ERGIC1: variants seen among roughly 807,000 people sequenced by gnomAD.
ERGIC1 encodes the protein endoplasmic reticulum-Golgi intermediate compartment protein 1.
In ERGIC1, 19 loss-of-function variants were observed where a neutral mutation model predicts 38.3. The observed-to-expected ratio is 0.50, with a 90% CI of 0.35 to 0.73. The LOEUF (loss-of-function observed/expected upper bound fraction) is 0.73. Among genes scored for constraint, ERGIC1 ranks in the 30% least tolerant of loss-of-function variants. The pLI is 0.01. For missense variants in ERGIC1, 294 were observed against 389.2 expected (o/e 0.76, Z 2.06); for synonymous variants, 124 against 157.6 (o/e 0.79, Z 1.60).
chr5:172,876,388 G>GA (rs1039570562), intron 1 of ERGIC1, among the ~76,000 whole-genome samples: 1 of 152,024 alleles, frequency 6.6e-6, no homozygotes, highest in East Asian at 1.9e-4. Context: ...TTTATACCAA[G>GA]AAAAAAAGTC....
intron 9 of ERGIC1, among the ~76,000 whole-genome samples, chr5:172,943,690 A>G (rs538273217): frequency 7.1e-4 from 108 of 152,310 alleles, no homozygotes; most frequent in Non-Finnish European, 1.2e-3. Context: ...AGCCAGGGCC[A>G]CAGAGCTGGG....
intron 1 of ERGIC1, among the ~76,000 whole-genome samples, chr5:172,847,209 G>C (rs943650754): frequency 6.6e-6 from 1 of 152,094 alleles, no homozygotes; most frequent in Non-Finnish European, 1.5e-5. Flanking sequence ...GCCTGGCAGT[G>C]GTGGGGAGAG....
At chr5:172,899,282 G>T (rs952931350) in intron 3 of ERGIC1, among the ~76,000 whole-genome samples, 2 of 149,372 alleles carry the variant, frequency 1.3e-5, no homozygotes, top group Admixed American at 1.3e-4. Context: ...CAGGCCTTCT[G>T]AGCTGCCAGG....
At chr5:172,867,575 C>G (rs192854604) in intron 1 of ERGIC1, 1 of 422,956 alleles carries the variant, frequency 2.4e-6, no homozygotes, top group East Asian at 7.6e-5. Flanking sequence ...ACTCCACCCC[C>G]GAGTCCTAGC....
intron 1 of ERGIC1, among the ~76,000 whole-genome samples, chr5:172,887,249 G>A (rs1762446691): frequency 6.6e-6 from 1 of 152,216 alleles, no homozygotes; most frequent in Non-Finnish European, 1.5e-5. Context: ...GGAGCCGCCG[G>A]CCTCTCCAGC....
intron 1 of ERGIC1, among the ~76,000 whole-genome samples, chr5:172,880,249 A>G (rs2113216812): frequency 6.6e-6 from 1 of 151,822 alleles, no homozygotes; most frequent in African/African-American, 2.4e-5. Flanking sequence ...GTTGGCTAGG[A>G]TGGTCTCGAA....
intron 1 of ERGIC1, among the ~76,000 whole-genome samples, chr5:172,885,426 G>A (rs185458991): frequency 4.6e-5 from 7 of 152,222 alleles, no homozygotes; most frequent in Non-Finnish European, 7.4e-5. Context: ...GAGCCATCGT[G>A]TACAGCAGTT....
chr5:172,948,384 T>A (rs1764167375), intron 9 of ERGIC1, among the ~76,000 whole-genome samples: 1 of 152,210 alleles, frequency 6.6e-6, no homozygotes, highest in Non-Finnish European at 1.5e-5. Context: ...CACCAGTTCA[T>A]CTATTAAGGT....
At chr5:172,884,244 G>GTTTTTT (rs71579704) in intron 1 of ERGIC1, among the ~76,000 whole-genome samples, 1 of 90,618 alleles carries the variant, frequency 1.1e-5, no homozygotes. Context: ...GGAACCCCAA[G>GTTTTTT]TTTTTTTTTT....
intron 1 of ERGIC1, among the ~76,000 whole-genome samples, chr5:172,836,223 G>T (rs1761032522): frequency 1.3e-5 from 2 of 152,174 alleles, no homozygotes; most frequent in Non-Finnish European, 2.9e-5. Context: ...TCCCAACCTT[G>T]TGCTCCTTGA....
intron 1 of ERGIC1, among the ~76,000 whole-genome samples, chr5:172,851,482 C>T (rs1162018513): frequency 1.3e-5 from 2 of 152,190 alleles, no homozygotes; most frequent in Non-Finnish European, 1.5e-5. Context: ...GCACTCCAGC[C>T]TGGGTGACAG....
At position 172,836,049 on chromosome 5, in the gene ERGIC1, C is replaced by G. The variant is rs192428857; in HGVS notation, c.20+1616C>G. ...TTCAGTAGGTTCCGGTGATTTTGAGCTTGCTGGGGAAATTGCTGTTTTTGA... is the reference window on the plus strand; with the variant it reads ...TTCAGTAGGTTCCGGTGATTTTGAGGTTGCTGGGGAAATTGCTGTTTTTGA... On this transcript the variant is annotated intron_variant, in intron 1 of 9. Coordinates refer to ENST00000393784, the MANE Select transcript of ERGIC1 (RefSeq NM_001031711.3). Among the ~76,000 whole-genome samples the G allele has an allele frequency of 3.0e-4, 46 of 152,336 alleles. 1 individual carries two copies. The highest frequency in any genetic ancestry group is 1.1e-3 in the African/African-American group (44 of 41,580).
At chr5:172,899,622 G>A (rs1309439309) in intron 3 of ERGIC1, among the ~76,000 whole-genome samples, 1 of 152,078 alleles carries the variant, frequency 6.6e-6, no homozygotes, top group South Asian at 2.1e-4. Flanking sequence ...CCTAGCCTGG[G>A]ACTCACTTCT....
At chr5:172,853,873 C>T (rs74530079) in intron 1 of ERGIC1, among the ~76,000 whole-genome samples, 298 of 152,284 alleles carry the variant, frequency 2.0e-3, no homozygotes, top group African/African-American at 6.5e-3. Flanking sequence ...ATGATCAGTT[C>T]GTTTATCTCA....
intron 2 of ERGIC1, among the ~76,000 whole-genome samples, chr5:172,894,128 G>T (rs1762658899): frequency 4.3e-5 from 2 of 46,870 alleles, no homozygotes; most frequent in East Asian, 7.4e-4. Flanking sequence ...TGGTGCTGAT[G>T]ATACTTTTTT....
chr5:172,885,146 T>C (rs535201000), intron 1 of ERGIC1, among the ~76,000 whole-genome samples: 1 of 152,278 alleles, frequency 6.6e-6, no homozygotes, highest in African/African-American at 2.4e-5. Context: ...ATGTATATTT[T>C]TGAGATAGGG....
chr5:172,897,754 G>A, intron 3 of ERGIC1: 1 of 413,514 alleles, frequency 2.4e-6, no homozygotes, highest in East Asian at 3.6e-5. Flanking sequence ...TGAAACTAAT[G>A]GGTACAGCTT....
intron 4 of ERGIC1, among the ~76,000 whole-genome samples, chr5:172,913,077 T>G (rs34809005): frequency 0.029 from 4,366 of 152,154 alleles, 232 homozygotes; most frequent in African/African-American, 0.098. Context: ...TCGTTTTACT[T>G]TTCTTTAACC....
At chr5:172,910,125 GAT>G (rs1057190656) in intron 4 of ERGIC1, among the ~76,000 whole-genome samples, 2 of 152,188 alleles carry the variant, frequency 1.3e-5, no homozygotes, top group Admixed American at 1.3e-4. Flanking sequence ...GATAAGCAAA[GAT>G]GTGTGTTCAG....
Sources: allele counts gnomAD v4.1 joint callset (sites outside exome capture counted in the v4.1 genomes callset), GRCh38; gene constraint gnomAD v4.1.1; transcripts MANE v1.5; gene names NCBI Gene and HGNC (gene_info 2026-07-23, HGNC 2026-07-21).